The following NRG1 variants were observed in gnomAD, a reference collection of about 807,000 sequenced individuals.
NRG1 encodes the protein neuregulin 1, also known as pro-neuregulin-1, membrane-bound isoform.
NRG1 carries 18 observed loss-of-function variants against 63.8 expected under a neutral mutation model. The observed-to-expected ratio is 0.28, with a 90% confidence interval of 0.19 to 0.42. The LOEUF (loss-of-function observed/expected upper bound fraction) is 0.42, where lower values mean the gene tolerates loss of function less well. NRG1 is among the 10% of genes least tolerant of loss of function. The pLI, the probability that NRG1 is intolerant of heterozygous loss-of-function variation, is 1.00. For missense variants in NRG1, 762 were observed against 814.7 expected, an observed-to-expected ratio of 0.94 and a Z score of 0.79; for synonymous variants, 302 against 301.3, an observed-to-expected ratio of 1.00 and a Z score of -0.02.
At chr8:32,192,487 G>A (rs1391022559) in intron 1 of NRG1, among the ~76,000 whole-genome samples, 2 of 152,078 alleles carry the variant, frequency 1.3e-5, no homozygotes, top group African/African-American at 4.8e-5. Flanking sequence ...ATCAATGTAG[G>A]AAGAGAAAAC....
chr8:31,890,876 G>C (rs1217251012), intron 1 of NRG1, among the ~76,000 whole-genome samples: 1 of 152,136 alleles, frequency 6.6e-6, no homozygotes, highest in Non-Finnish European at 1.5e-5. Flanking sequence ...ACGTTAATAT[G>C]CTCAAGTGAT....
At chr8:31,834,994 T>C (rs1356038765) in intron 1 of NRG1, among the ~76,000 whole-genome samples, 4 of 152,224 alleles carry the variant, frequency 2.6e-5, no homozygotes, top group Non-Finnish European at 5.9e-5. Context: ...TTCTATCTTA[T>C]AGTCTGAAGT....
At position 32,330,102 on chromosome 8, in the gene NRG1, G is replaced by T. The variant is rs1202087689; in HGVS notation, c.38-265726G>T. Among the ~76,000 whole-genome samples the T allele has an allele frequency of 1.0e-3, 139 of 133,856 alleles. 3 individuals carry two copies. The highest frequency in any genetic ancestry group is 3.6e-4 in the Non-Finnish European group (23 of 64,394). The allele number at this position is 133,856 out of a possible 152,430, so 87.8% of individuals were successfully genotyped here. A position where few individuals can be genotyped will look rare whatever the true frequency, so the allele number is the denominator to read the frequency against. ...AAAAAGTGTGTAGGGAAGGGGTCTT[G>T]CTGTGTTGCTAATGTTGAACTCCTG... On this transcript the variant is annotated intron_variant, in intron 1 of 10. Transcript: ENST00000519301.
intron 1 of NRG1, among the ~76,000 whole-genome samples, chr8:32,205,343 C>T (rs1843934933): frequency 6.6e-6 from 1 of 151,974 alleles, no homozygotes; most frequent in Non-Finnish European, 1.5e-5. Flanking sequence ...ATTTTTTTCC[C>T]CAGTGATTCT....
intron 1 of NRG1, among the ~76,000 whole-genome samples, chr8:31,776,028 A>C (rs921019185): frequency 6.6e-6 from 1 of 151,946 alleles, no homozygotes; most frequent in African/African-American, 2.4e-5. Flanking sequence ...GTTTGTTAGG[A>C]GCACTAAATG....
rs201022098 is a variant in NRG1, at chr8:32,290,941, G to A, written c.38-304887G>A. Among the ~76,000 whole-genome samples, 8 of 152,184 alleles carry A rather than the reference G, an allele frequency of 5.3e-5. No homozygotes were observed. The East Asian group carries it at 1.6e-3, about 30-fold the overall frequency. On this transcript the variant is annotated intron_variant, in intron 1 of 10. Transcript: ENST00000519301. ...TGTGTGTGTGTGCATGCATTTGTGT[G>A]TGTGTACACAAGTCCCAAGATGTAC... is the stretch of plus-strand genomic sequence containing the variant.
chr8:32,677,870 C>T (rs188406320), intron 5 of NRG1, among the ~76,000 whole-genome samples: 1 of 152,148 alleles, frequency 6.6e-6, no homozygotes, highest in South Asian at 2.1e-4. Context: ...AAGCACATTT[C>T]TAACAAGGAC....
intron 1 of NRG1, among the ~76,000 whole-genome samples, chr8:32,384,676 A>G (rs577597413): frequency 2.6e-4 from 39 of 152,226 alleles, no homozygotes; most frequent in Non-Finnish European, 5.0e-4. Flanking sequence ...ACAGATTCCC[A>G]TGTAATAGGG....
chr8:32,735,333 ATTGAT>A (rs1703112354), intron 6 of NRG1, among the ~76,000 whole-genome samples: 2 of 152,168 alleles, frequency 1.3e-5, no homozygotes, highest in Non-Finnish European at 2.9e-5. Context: ...TTTTAGCTAG[ATTGAT>A]TTAATTATTC....
At chr8:32,274,828 T>C (rs1851920694) in intron 1 of NRG1, among the ~76,000 whole-genome samples, 1 of 152,182 alleles carries the variant, frequency 6.6e-6, no homozygotes, top group African/African-American at 2.4e-5. Context: ...ACAGGTTGCT[T>C]TTTAGAAGAA....
intron 1 of NRG1, among the ~76,000 whole-genome samples, chr8:31,983,320 T>C (rs1809487581): frequency 6.6e-6 from 1 of 152,094 alleles, no homozygotes; most frequent in Admixed American, 6.6e-5. Context: ...ACTAGTAGCA[T>C]GGTAAAAGTG....
chr8:32,012,869 A>G (rs1814967101), intron 1 of NRG1, among the ~76,000 whole-genome samples: 1 of 152,114 alleles, frequency 6.6e-6, no homozygotes, highest in African/African-American at 2.4e-5. Flanking sequence ...GAGAGGGAGA[A>G]AGATAACTGT....
chr8:32,168,803 GC>G (rs897692028), intron 1 of NRG1, among the ~76,000 whole-genome samples: 2 of 151,870 alleles, frequency 1.3e-5, no homozygotes, highest in African/African-American at 4.8e-5. Context: ...CCCTTCCTAG[GC>G]CCCCTTATTT....
chr8:32,479,126 G>A (rs557414881), intron 1 of NRG1, among the ~76,000 whole-genome samples: 81 of 152,140 alleles, frequency 5.3e-4, no homozygotes, highest in African/African-American at 1.6e-3. Flanking sequence ...AGACCCTGGC[G>A]GAGTGCCAAA....
At chr8:32,713,891 C>G (rs1818487441) in intron 5 of NRG1, among the ~76,000 whole-genome samples, 1 of 151,426 alleles carries the variant, frequency 6.6e-6, no homozygotes, top group African/African-American at 2.4e-5. Context: ...GCGGTGCGAT[C>G]TCAGCTCACT....
At chr8:32,188,381 G>C (rs1260926451) in intron 1 of NRG1, among the ~76,000 whole-genome samples, 1 of 152,154 alleles carries the variant, frequency 6.6e-6, no homozygotes, top group African/African-American at 2.4e-5. Flanking sequence ...TATAGATTTT[G>C]ACACTCAGAT....
At chr8:31,854,095 C>A (rs373773147) in intron 1 of NRG1, among the ~76,000 whole-genome samples, 3 of 151,498 alleles carry the variant, frequency 2.0e-5, no homozygotes, top group Non-Finnish European at 2.9e-5. Flanking sequence ...TGTCTCTGCC[C>A]GGCTTTGGTA....
At position 32,252,598 on chromosome 8, in the gene NRG1, C is replaced by G. The variant is rs554734627; in HGVS notation, c.38-343230C>G. Among the ~76,000 whole-genome samples, 32 of 152,218 alleles carry G rather than the reference C, an allele frequency of 2.1e-4. No homozygotes were observed. The South Asian group carries it at 6.6e-3, about 32-fold the overall frequency. On this transcript the variant is annotated intron_variant, in intron 1 of 10. Transcript: ENST00000519301. ...TACCATGCTGTTTGGGTTACTGTAG[C>G]CTTGTAGTATAGTTTGAAGTCAGGT...
chr8:31,712,249 C>T (rs1486701492), intron 1 of NRG1, among the ~76,000 whole-genome samples: 1 of 113,532 alleles, frequency 8.8e-6, no homozygotes, highest in Non-Finnish European at 1.8e-5. Flanking sequence ...GTTTCTTCTT[C>T]ATGATCTTTT....
Sources: gnomAD v4.1 joint callset for allele counts (sites outside exome capture counted in the v4.1 genomes callset) on GRCh38, gnomAD v4.1.1 for gene constraint, MANE v1.5 for transcripts, NCBI Gene and HGNC (gene_info 2026-07-23, HGNC 2026-07-21) for gene names.